Variants in HSPA12B observed in about 807,000 individuals in gnomAD.
HSPA12B encodes the protein heat shock protein family A (Hsp70) member 12B, also known as heat shock 70 kDa protein 12B.
Under a neutral mutation model 69.3 loss-of-function variants are expected in HSPA12B, and 54 were observed. The observed-to-expected ratio is 0.78, with a 90% CI of 0.63 to 0.98. HSPA12B has a LOEUF of 0.98. Among genes scored for constraint, HSPA12B ranks in the 50% least tolerant of loss-of-function variants. HSPA12B has a pLI of 0.00. For missense variants in HSPA12B, 929 were observed against 999.8 expected, an observed-to-expected ratio of 0.93 and a Z score of 0.96; for synonymous variants, 441 against 436.5, an observed-to-expected ratio of 1.01 and a Z score of -0.13.
chr20:3,740,676 G>A lies in HSPA12B; in HGVS notation c.44-139G>A, dbSNP rs186073642. The A allele has an allele frequency of 4.9e-5, 34 of 687,182 alleles. 1 individual carries two copies. The highest frequency in any genetic ancestry group is 7.2e-5 in the Non-Finnish European group (28 of 386,836). The allele number at this position is 687,182 out of a possible 1,614,324, so 42.6% of individuals were successfully genotyped here. The stretch of plus-strand genomic sequence containing the variant: ...GTCATGTGTGTCTTTCCTACACCCC[G>A]CAGTCCTCCTCCCCAGCAGAGAGCC... On this transcript the variant is annotated intron_variant, in intron 2 of 12. Transcript: ENST00000254963. This position sits in a 1 kb window ranked among gnomAD's most constrained non-coding sequence, Gnocchi z 4.9.
chr20:3,735,788 T>C (rs1045114917), intron 1 of HSPA12B, among the ~76,000 whole-genome samples: 7 of 151,964 alleles, frequency 4.6e-5, no homozygotes, highest in Non-Finnish European at 8.8e-5. Context: ...TTTCTGGTGG[T>C]TCTAGGTTGT....
chr20:3,745,428 C>G lies in HSPA12B; in HGVS notation c.454-65C>G. On this transcript the variant is annotated intron_variant, in intron 5 of 12. Coordinates refer to ENST00000254963, the MANE Select transcript of HSPA12B (RefSeq NM_052970.5). The surrounding 1 kb of genome is among the most constrained non-coding windows in gnomAD (Gnocchi z 5.6). The stretch of plus-strand genomic sequence containing the variant: ...CCAGGAAACGGGGTGATTTTAAGAG[C>G]GAGGTCGTCAGGAAATGAGTGCCAA... 3 of 1,146,544 alleles carry G rather than the reference C, an allele frequency of 2.6e-6. No homozygotes were observed. The highest frequency in any genetic ancestry group is 4.0e-6 in the Non-Finnish European group (3 of 754,866). 71.0% of individuals were successfully genotyped at this position (1,146,544 alleles called of 1,614,324 possible).
In HSPA12B at chr20:3,752,601, C is replaced by A. The variant is rs1316367009; in HGVS notation, c.*435C>A. On this transcript the variant is annotated 3_prime_UTR_variant, in exon 13 of 13. Coordinates refer to ENST00000254963, the MANE Select transcript of HSPA12B (RefSeq NM_052970.5). ...TGCAGGGCTGAAGTTCACTCATCGA[C>A]CGACTCAGCCCCAACCGGGAGCCAG... 1 of 165,594 alleles carries A rather than the reference C, an allele frequency of 6.0e-6. No individual in the cohort carries two copies. The highest frequency in any genetic ancestry group is 1.3e-5 in the Non-Finnish European group (1 of 76,508). The allele number at this position is 165,594 out of a possible 1,614,324, so 10.3% of individuals were successfully genotyped here.
Position 3,745,201 on chromosome 20 carries a change from G to A in HSPA12B, c.453+113G>A. 2.0e-6 allele frequency: 2 copies of A among 980,698 alleles called. No homozygotes were observed. The highest frequency in any genetic ancestry group is 3.0e-6 in the Non-Finnish European group (2 of 656,442). 60.7% of individuals were successfully genotyped at this position (980,698 alleles called of 1,614,324 possible). A position where few individuals can be genotyped will look rare whatever the true frequency, so the allele number is the denominator to read the frequency against. On this transcript the variant is annotated intron_variant, in intron 5 of 12. Coordinates refer to ENST00000254963, the MANE Select transcript of HSPA12B (RefSeq NM_052970.5). The surrounding 1 kb of genome is among the most constrained non-coding windows in gnomAD (Gnocchi z 5.6). Reference sequence around the variant, plus strand: ...GTGAGGACCGGCCCGATGGAGTCGTGGCTGAGAGGGGGCGGGGCTAAAGGG... The same window carrying A: ...GTGAGGACCGGCCCGATGGAGTCGTAGCTGAGAGGGGGCGGGGCTAAAGGG...
At position 3,742,381 on chromosome 20, in the gene HSPA12B, G is replaced by A. The variant is rs772416420; in HGVS notation, c.239G>A (p.Ser80Asn). The A allele has an allele frequency of 1.2e-6, 2 of 1,613,940 alleles. No individual in the cohort carries two copies. Among genetic ancestry groups the A allele is most frequent in the Non-Finnish European group, 1.7e-6 (2 of 1,179,796 alleles). Residue 80 changes from serine (S) to asparagine (N), a missense_variant, in exon 4 of 13, where the codon AGT becomes AAT. Transcript: ENST00000254963. ...TSSGYAFSFASDPEAIHMMRK... is the reference protein window; with the variant it reads ...TSSGYAFSFANDPEAIHMMRK... ...AGTGGCTATGCTTTCAGCTTTGCCAGTGACCCTGAGGCCATCCACATGATG... is the reference window on the plus strand; with the variant it reads ...AGTGGCTATGCTTTCAGCTTTGCCAATGACCCTGAGGCCATCCACATGATG...
Position 3,744,481 on chromosome 20 carries a change from C to G in HSPA12B, c.267-421C>G, listed in dbSNP as rs1368146896. On this transcript the variant is annotated intron_variant, in intron 4 of 12. Coordinates refer to ENST00000254963, the MANE Select transcript of HSPA12B (RefSeq NM_052970.5). This position sits in a 1 kb window ranked among gnomAD's most constrained non-coding sequence, Gnocchi z 4.9. ...CTCTCTCTTCCCACCAGACACCAAG[C>G]CCCTAACATCTCTAGAATACCCATC... Among the ~76,000 whole-genome samples the G allele has an allele frequency of 6.6e-6, 1 of 152,200 alleles. No homozygotes were observed. Among genetic ancestry groups the G allele is most frequent in the African/African-American group, 2.4e-5 (1 of 41,452 alleles).
At chr20:3,750,732 A>C (rs2088403124) in intron 11 of HSPA12B, 72 bp from the exon 12 acceptor site, 2 of 1,609,352 alleles carry the variant, frequency 1.2e-6, no homozygotes, top group African/African-American at 2.7e-5. Context: ...GAGAATAAGG[A>C]CCACGGACCC....
chr20:3,748,079 C>A, intron 7 of HSPA12B, 138 bp from the exon 8 acceptor site: 1 of 759,634 alleles, frequency 1.3e-6, no homozygotes, highest in Non-Finnish European at 2.0e-6. Context: ...CACAGAGGGG[C>A]CTGAGAGGCC....
In HSPA12B at chr20:3,749,156, CAGG is replaced by C. The variant is rs1177958971; in HGVS notation, c.851-71_851-69del. 1.5e-6 allele frequency: 2 copies of C among 1,310,324 alleles called. No homozygotes were observed. The highest frequency in any genetic ancestry group is 2.9e-5 in the African/African-American group (2 of 68,804). 81.2% of individuals were successfully genotyped at this position (1,310,324 alleles called of 1,614,324 possible). A position where few individuals can be genotyped will look rare whatever the true frequency, so the allele number is the denominator to read the frequency against. On this transcript the variant is annotated intron_variant, in intron 8 of 12. Transcript: ENST00000254963. This position sits in a 1 kb window ranked among gnomAD's most constrained non-coding sequence, Gnocchi z 5.5. Reference sequence around the variant, plus strand: ...TCCCAGTGCCCATGGAGGTCCTGGGCAGGAGGATGGGAGTTGAACGCCATAGCT... The same window carrying C: ...TCCCAGTGCCCATGGAGGTCCTGGGCAGGATGGGAGTTGAACGCCATAGCT...
chr20:3,747,426 G>A (rs1453643931), intron 7 of HSPA12B, among the ~76,000 whole-genome samples: 14 of 152,238 alleles, frequency 9.2e-5, no homozygotes, highest in South Asian at 2.1e-4. Context: ...CTCCCCCAGC[G>A]TCCCCTTGCC....
In HSPA12B at chr20:3,749,125, G is replaced by C; in HGVS notation, c.851-107G>C. The C allele has an allele frequency of 1.1e-6, 1 of 935,650 alleles. No individual in the cohort carries two copies. Among genetic ancestry groups the C allele is most frequent in the South Asian group, 1.6e-5 (1 of 63,668 alleles). 58.0% of individuals were successfully genotyped at this position (935,650 alleles called of 1,614,324 possible). Reference sequence around the variant, plus strand: ...AGCAGGTTGGAGTTTCAGGAGCACTGGCTGCTCCCAGTGCCCATGGAGGTC... The same window carrying C: ...AGCAGGTTGGAGTTTCAGGAGCACTCGCTGCTCCCAGTGCCCATGGAGGTC... On this transcript the variant is annotated intron_variant, in intron 8 of 12. Coordinates refer to ENST00000254963, the MANE Select transcript of HSPA12B (RefSeq NM_052970.5). The surrounding 1 kb of genome is among the most constrained non-coding windows in gnomAD (Gnocchi z 5.5).
chr20:3,745,293 C>T lies in HSPA12B; in HGVS notation c.454-200C>T, dbSNP rs189212813. Among the ~76,000 whole-genome samples the T allele has an allele frequency of 0.015, 1,657 of 112,406 alleles. 30 individuals are homozygous for T. Among genetic ancestry groups the T allele is most frequent in the African/African-American group, 0.054 (1,564 of 28,738 alleles). The allele number at this position is 112,406 out of a possible 152,430, so 73.7% of individuals were successfully genotyped here. A position where few individuals can be genotyped will look rare whatever the true frequency, so the allele number is the denominator to read the frequency against. ...GGAGGCGGGGCTAATGTGGGTGGGG[C>T]TAATAGTGAAGCTGGGGTTGCAGGA... On this transcript the variant is annotated intron_variant, in intron 5 of 12. Coordinates refer to ENST00000254963, the MANE Select transcript of HSPA12B (RefSeq NM_052970.5). This position sits in a 1 kb window ranked among gnomAD's most constrained non-coding sequence, Gnocchi z 5.6.
In HSPA12B at chr20:3,751,775, C is replaced by T. The variant is rs1479857171; in HGVS notation, c.1670C>T (p.Pro557Leu). 2 of 1,526,498 alleles carry T rather than the reference C, an allele frequency of 1.3e-6. No homozygotes were observed. Among genetic ancestry groups the T allele is most frequent in the Non-Finnish European group, 8.8e-7 (1 of 1,142,556 alleles). The allele number at this position is 1,526,498 out of a possible 1,614,324, so 94.6% of individuals were successfully genotyped here. A position where few individuals can be genotyped will look rare whatever the true frequency, so the allele number is the denominator to read the frequency against. The change falls in exon 13 of 13, where the codon CCG becomes CTG. Residue 557 changes from proline to leucine, a missense_variant. Pro to Leu is a moderately conservative substitution (Grantham distance 98). This residue lies in a region of HSPA12B where 448 missense variants were observed against 448.1 expected (regional missense o/e 1.00). Coordinates refer to ENST00000254963, the MANE Select transcript of HSPA12B (RefSeq NM_052970.5). ...VLNRFVPGRH[P>L]PEKLLVRDGR... Reference sequence around the variant, plus strand: ...AACCGCTTTGTGCCTGGGCGCCACCCGCCCGAAAAGCTGCTGGTTCGCGAC... The same window carrying T: ...AACCGCTTTGTGCCTGGGCGCCACCTGCCCGAAAAGCTGCTGGTTCGCGAC...
chr20:3,741,031 G>A, intron 3 of HSPA12B, 119 bp downstream of exon 3: 1 of 749,598 alleles, frequency 1.3e-6, no homozygotes. Flanking sequence ...GTAGCACCAT[G>A]CCTCTTGTCC....
rs564311667 is a variant in HSPA12B, at chr20:3,744,243, T to C, written c.267-659T>C. 9.1e-4 allele frequency among the ~76,000 whole-genome samples: 139 copies of C among 152,324 alleles called. No homozygotes were observed. Among genetic ancestry groups the C allele is most frequent in the African/African-American group, 3.2e-3 (132 of 41,562 alleles). Reference sequence around the variant, plus strand: ...ACATGGGACTTGAGCTTCATGAGACTGGACTGTCCTTCCTTCCACATCACA... The same window carrying C: ...ACATGGGACTTGAGCTTCATGAGACCGGACTGTCCTTCCTTCCACATCACA... On this transcript the variant is annotated intron_variant, in intron 4 of 12. Transcript: ENST00000254963. This position sits in a 1 kb window ranked among gnomAD's most constrained non-coding sequence, Gnocchi z 4.9.
rs1191742099 is a variant in HSPA12B, at chr20:3,752,187, A to T, written c.*21A>T. On this transcript the variant is annotated 3_prime_UTR_variant, in exon 13 of 13. Transcript: ENST00000254963. Reference sequence around the variant, plus strand: ...ACTGAGGGCGCGCCGGCGCGGTGCCAGCGCCGTCTGCCCGGCCCCGCCCTC... The same window carrying T: ...ACTGAGGGCGCGCCGGCGCGGTGCCTGCGCCGTCTGCCCGGCCCCGCCCTC... 1 of 1,453,376 alleles carries T rather than the reference A, an allele frequency of 6.9e-7. No homozygotes were observed. Among genetic ancestry groups the T allele is most frequent in the Non-Finnish European group, 9.0e-7 (1 of 1,110,942 alleles). 90.0% of individuals were successfully genotyped at this position (1,453,376 alleles called of 1,614,324 possible).
intron 7 of HSPA12B, among the ~76,000 whole-genome samples, chr20:3,747,475 C>T (rs1189866573): frequency 1.3e-5 from 2 of 152,196 alleles, no homozygotes; most frequent in African/African-American, 4.8e-5. Flanking sequence ...TCCCTGGCTG[C>T]TCAGGAAAGT....
At chr20:3,734,737 A>ATTTTT (rs35209985) in intron 1 of HSPA12B, among the ~76,000 whole-genome samples, 4 of 120,284 alleles carry the variant, frequency 3.3e-5, no homozygotes, top group African/African-American at 9.7e-5. Flanking sequence ...CTTTAACACA[A>ATTTTT]TTTTTTTTTT....
At chr20:3,734,495 C>T (rs1221167769) in intron 1 of HSPA12B, among the ~76,000 whole-genome samples, 1 of 152,216 alleles carries the variant, frequency 6.6e-6, no homozygotes, top group Non-Finnish European at 1.5e-5. Context: ...CTCAATTACT[C>T]TCAAACCCAT....
Sources: allele counts gnomAD v4.1 joint callset (sites outside exome capture counted in the v4.1 genomes callset), GRCh38; gene constraint gnomAD v4.1.1; regional missense constraint gnomAD v4.1.1; non-coding constraint Gnocchi (gnomAD v3.1); transcripts MANE v1.5; gene names NCBI Gene and HGNC (gene_info 2026-07-23, HGNC 2026-07-21).